ZNF213: variants seen among roughly 807,000 people sequenced by gnomAD.
The protein encoded by ZNF213 is zinc finger protein 213.
Under a neutral mutation model 46.0 loss-of-function variants are expected in ZNF213, and 32 were observed. The ratio of observed to expected loss-of-function variants is 0.70; its 90% CI spans 0.52 to 0.93. The LOEUF (loss-of-function observed/expected upper bound fraction) is 0.93. Among genes scored for constraint, ZNF213 ranks in the 40% least tolerant of loss-of-function variants. The pLI is 0.00. For missense variants in ZNF213, 639 were observed against 652.8 expected (o/e 0.98, Z 0.23); for synonymous variants, 297 against 271.0 (o/e 1.10, Z -0.94).
intron 1 of ZNF213, among the ~76,000 whole-genome samples, chr16:3,136,276 GC>G (rs1957536102): frequency 6.6e-6 from 1 of 152,154 alleles, no homozygotes; most frequent in African/African-American, 2.4e-5. Flanking sequence ...GTGTCTGTAA[GC>G]CCTTCTGTGA....
rs2141541730 is a variant in ZNF213, at chr16:3,141,520, G to A, written c.*173G>A. Reference sequence around the variant, plus strand: ...GCTTGGCTCTGAGGACCTGCCCAGCGCTCAAAGGGAACGGAAGCCTTCCCC... The same window carrying A: ...GCTTGGCTCTGAGGACCTGCCCAGCACTCAAAGGGAACGGAAGCCTTCCCC... On this transcript the variant is annotated 3_prime_UTR_variant, in exon 6 of 6. Transcript: ENST00000396878. The A allele has an allele frequency of 4.3e-6, 3 of 704,528 alleles. No individual in the cohort carries two copies. Among genetic ancestry groups the A allele is most frequent in the South Asian group, 2.2e-5 (1 of 46,242 alleles). 43.6% of individuals were successfully genotyped at this position (704,528 alleles called of 1,614,324 possible).
Position 3,137,432 on chromosome 16 carries a change from T to G in ZNF213, c.152T>G (p.Phe51Cys), listed in dbSNP as rs1159240062. The change falls in exon 2 of 6, where the codon TTC becomes TGC. Residue 51 changes from phenylalanine (F) to cysteine (C), a missense_variant. Phe to Cys is a radical substitution (Grantham distance 205). Coordinates refer to ENST00000396878, the MANE Select transcript of ZNF213 (RefSeq NM_004220.3). ...SEACRQRFRQ[F>C]CYGDVHGPHE... ...GCCTGCCGCCAGCGCTTCCGGCAAT[T>G]CTGCTACGGGGATGTGCATGGGCCT... The G allele has an allele frequency of 2.5e-6, 4 of 1,613,990 alleles. No homozygotes were observed. In the Admixed American group the frequency reaches 6.7e-5, roughly 27 times the overall value.
In ZNF213 at chr16:3,137,462, A is replaced by G. The variant is rs781076086; in HGVS notation, c.182A>G (p.Glu61Gly). The change falls in exon 2 of 6, where the codon GAG (glutamate) becomes GGG (glycine). Residue 61 changes from glutamate (E) to glycine (G), a missense_variant. Transcript: ENST00000396878. Reference protein sequence around the residue: ...FCYGDVHGPHEAFSQLWELCC... With the variant: ...FCYGDVHGPHGAFSQLWELCC... ...TACGGGGATGTGCATGGGCCTCATG[A>G]GGCCTTCAGCCAGCTCTGGGAGCTC... 1.2e-6 allele frequency: 2 copies of G among 1,613,948 alleles called. No homozygotes were observed. The highest frequency in any genetic ancestry group is 1.7e-6 in the Non-Finnish European group (2 of 1,180,036).
Position 3,138,769 on chromosome 16 carries a change from A to C in ZNF213, c.548A>C (p.Glu183Ala), listed in dbSNP as rs1172273373. ...HSAQPPALLK[E>A]GRPGETTDTC... ...GCCCAGCCTCCTGCTCTTCTTAAAG[A>C]GGGTCGTCCCGGAGAGACGACGGAC... Residue 183 changes from glutamate to alanine, a missense_variant, in exon 4 of 6, where the codon GAG becomes GCG. Coordinates refer to ENST00000396878, the MANE Select transcript of ZNF213 (RefSeq NM_004220.3). 6.2e-7 allele frequency: 1 copy of C among 1,613,838 alleles called. No individual in the cohort carries two copies. The highest frequency in any genetic ancestry group is 2.2e-5 in the East Asian group (1 of 44,882).
At chr16:3,140,419 C>A (rs1957590285) in intron 5 of ZNF213, 1 of 337,544 alleles carries the variant, frequency 3.0e-6, no homozygotes, top group Non-Finnish European at 5.2e-6. Context: ...GACGGGGTTT[C>A]ACCATGTTGG....
intron 2 of ZNF213, 120 bp downstream of exon 2, chr16:3,137,799 G>C: frequency 2.4e-6 from 3 of 1,275,020 alleles, no homozygotes; most frequent in Non-Finnish European, 2.1e-6. Context: ...AGAGCCCCCA[G>C]GAGCAGGCAC....
Position 3,137,260 on chromosome 16 carries a change from C to A in ZNF213, c.-21C>A, listed in dbSNP as rs756948506. On this transcript the variant is annotated 5_prime_UTR_variant, in exon 2 of 6. Coordinates refer to ENST00000396878, the MANE Select transcript of ZNF213 (RefSeq NM_004220.3). ...GGGGCCCAGGTTGAAGCCGACCAACCCTGAGCCTCAGGCCAGGGGAATGGC... is the reference window on the plus strand; with the variant it reads ...GGGGCCCAGGTTGAAGCCGACCAACACTGAGCCTCAGGCCAGGGGAATGGC... The A allele has an allele frequency of 6.4e-7, 1 of 1,565,948 alleles. No individual in the cohort carries two copies. Among genetic ancestry groups the A allele is most frequent in the Non-Finnish European group, 8.7e-7 (1 of 1,155,842 alleles).
chr16:3,138,005 G>A, intron 2 of ZNF213: 1 of 475,176 alleles, frequency 2.1e-6, no homozygotes, highest in Non-Finnish European at 3.8e-6. Flanking sequence ...ACAAGGGTGT[G>A]CATAGAGCCA....
At chr16:3,139,270 A>G (rs978627765) in intron 5 of ZNF213, 172 bp downstream of exon 5, 3 of 1,027,334 alleles carry the variant, frequency 2.9e-6, no homozygotes, top group South Asian at 3.3e-5. Flanking sequence ...GCGTTTCCAC[A>G]TGCAGCATGG....
At position 3,137,074 on chromosome 16, in the gene ZNF213, A is replaced by G. The variant is rs186733957; in HGVS notation, c.-115-92A>G. The G allele has an allele frequency of 1.5e-4, 88 of 597,724 alleles. No individual in the cohort carries two copies. The African/African-American group carries it at 1.5e-3, about 10-fold the overall frequency. The allele number at this position is 597,724 out of a possible 1,614,324, so 37.0% of individuals were successfully genotyped here. ...CCTAGAAAAGGCTTCAGGGCCATGA[A>G]AGGATGGGGACTGGATGGCTCTTCA... On this transcript the variant is annotated intron_variant, in intron 1 of 5. Transcript: ENST00000396878.
chr16:3,139,042 C>T lies in ZNF213; in HGVS notation c.665C>T (p.Ala222Val), dbSNP rs770498022. The change falls in exon 5 of 6, where the codon GCT becomes GTT. Residue 222 changes from alanine to valine, a missense_variant. By Grantham distance (64) the Ala-to-Val change is moderately conservative (BLOSUM62 0). Coordinates refer to ENST00000396878, the MANE Select transcript of ZNF213 (RefSeq NM_004220.3). Reference sequence around the variant, plus strand: ...GAAGAATGGGGCACCCTGGACCCTGCTCAGCGGGATCTCTTCTGGGACATA... The same window carrying T: ...GAAGAATGGGGCACCCTGGACCCTGTTCAGCGGGATCTCTTCTGGGACATA... ...SREEWGTLDP[A>V]QRDLFWDIKR... 8.1e-6 allele frequency: 13 copies of T among 1,614,136 alleles called. No homozygotes were observed. In the South Asian group the frequency reaches 1.3e-4, roughly 16 times the overall value.
In ZNF213 at chr16:3,137,659, C is replaced by G. The variant is rs1437624216; in HGVS notation, c.379C>G (p.Pro127Ala). 14 of 1,613,580 alleles carry G rather than the reference C, an allele frequency of 8.7e-6. No individual in the cohort carries two copies. The highest frequency in any genetic ancestry group is 1.2e-5 in the Non-Finnish European group (14 of 1,179,966). Residue 127 changes from proline (P) to alanine (A), a missense_variant, in exon 2 of 6, where the codon CCA becomes GCA. Physicochemically the swap from Pro to Ala is conservative, Grantham distance 27 (BLOSUM62 -1). Transcript: ENST00000396878. ...CTTGGTGGAGGACCTACAGAAGCAGCCAGTGAAAGCCTGGCGACAGGTGAG... is the reference window on the plus strand; with the variant it reads ...CTTGGTGGAGGACCTACAGAAGCAGGCAGTGAAAGCCTGGCGACAGGTGAG... ...VALVEDLQKQ[P>A]VKAWRQDVPS...
rs531096014 is a variant in ZNF213, at chr16:3,141,425, C to A, written c.*78C>A. ...TTTGTTCACCACTGGGACTCTCCTT[C>A]CATCTGTGGCCACCTCCCGGGCTGT... is the stretch of plus-strand genomic sequence containing the variant. On this transcript the variant is annotated 3_prime_UTR_variant, in exon 6 of 6. Coordinates refer to ENST00000396878, the MANE Select transcript of ZNF213 (RefSeq NM_004220.3). 1.4e-6 allele frequency: 2 copies of A among 1,441,618 alleles called. No individual in the cohort carries two copies. Among genetic ancestry groups the A allele is most frequent in the African/African-American group, 1.4e-5 (1 of 70,156 alleles). 89.3% of individuals were successfully genotyped at this position (1,441,618 alleles called of 1,614,324 possible). A position where few individuals can be genotyped will look rare whatever the true frequency, so the allele number is the denominator to read the frequency against.
At position 3,138,450 on chromosome 16, in the gene ZNF213, T is replaced by G; in HGVS notation, c.432T>G (p.Ala144=). 6.2e-7 allele frequency: 1 copy of G among 1,613,286 alleles called. No individual in the cohort carries two copies. The part of the protein sequence containing the change: ...DVPSEEAEPE[A]AGRGSQATGP... Reference sequence around the variant, plus strand: ...CCTCGGAGGAGGCGGAACCCGAGGCTGCAGGCCGGGGATCCCAGGCCACGG... The same window carrying G: ...CCTCGGAGGAGGCGGAACCCGAGGCGGCAGGCCGGGGATCCCAGGCCACGG... The change falls in exon 3 of 6, where the codon GCT becomes GCG. Residue 144 remains alanine (A), a synonymous_variant. Transcript: ENST00000396878.
Position 3,137,780 on chromosome 16 carries a change from G to C in ZNF213, c.399+101G>C, listed in dbSNP as rs111558792. 1.5e-5 allele frequency: 22 copies of C among 1,431,332 alleles called. No individual in the cohort carries two copies. In the African/African-American group the frequency reaches 2.6e-4, roughly 17 times the overall value. The allele number at this position is 1,431,332 out of a possible 1,614,324, so 88.7% of individuals were successfully genotyped here. On this transcript the variant is annotated intron_variant, in intron 2 of 5. Transcript: ENST00000396878. ...AGTCTCCCAGAGGCTCACAGGGTAG[G>C]GGAGACACAGAGCCCCCAGGAGCAG...
chr16:3,139,197 G>C (rs919326824), intron 5 of ZNF213, 99 bp downstream of exon 5: 5 of 1,529,620 alleles, frequency 3.3e-6, no homozygotes, highest in African/African-American at 1.4e-5. Context: ...TCCAAAGCAG[G>C]CTCTCCCTAG....
In ZNF213 at chr16:3,137,473, C is replaced by G; in HGVS notation, c.193C>G (p.Gln65Glu). The G allele has an allele frequency of 7.4e-6, 12 of 1,613,948 alleles. No individual in the cohort carries two copies. Among genetic ancestry groups the G allele is most frequent in the Non-Finnish European group, 1.0e-5 (12 of 1,180,040 alleles). ...GCATGGGCCTCATGAGGCCTTCAGC[C>G]AGCTCTGGGAGCTCTGCTGCCGCTG... ...DVHGPHEAFSQLWELCCRWLR... is the reference protein window; with the variant it reads ...DVHGPHEAFSELWELCCRWLR... The change falls in exon 2 of 6, where the codon CAG becomes GAG. Residue 65 changes from glutamine (Q) to glutamate (E), a missense_variant. Physicochemically the swap from Gln to Glu is conservative, Grantham distance 29. Coordinates refer to ENST00000396878, the MANE Select transcript of ZNF213 (RefSeq NM_004220.3).
In ZNF213 at chr16:3,135,394, C is replaced by T. The variant is rs1433658509; in HGVS notation, c.-116+7C>T. ...GTCCTGCTGAGCGACCCTGGTGAGT[C>T]CTGGCCCTCTTCGAGGAAAGTCTTC... On this transcript the variant is annotated splice_region_variant and intron_variant, in intron 1 of 5. Coordinates refer to ENST00000396878, the MANE Select transcript of ZNF213 (RefSeq NM_004220.3). 1 of 152,228 alleles carries T rather than the reference C, an allele frequency of 6.6e-6. No individual in the cohort carries two copies. The highest frequency in any genetic ancestry group is 1.5e-5 in the Non-Finnish European group (1 of 68,058). 9.4% of individuals were successfully genotyped at this position (152,228 alleles called of 1,614,324 possible).
At position 3,137,263 on chromosome 16, in the gene ZNF213, G is replaced by A; in HGVS notation, c.-18G>A. ...GCCCAGGTTGAAGCCGACCAACCCT[G>A]AGCCTCAGGCCAGGGGAATGGCAGC... On this transcript the variant is annotated 5_prime_UTR_variant, in exon 2 of 6. Coordinates refer to ENST00000396878, the MANE Select transcript of ZNF213 (RefSeq NM_004220.3). 6.4e-7 allele frequency: 1 copy of A among 1,567,688 alleles called. No homozygotes were observed. Among genetic ancestry groups the A allele is most frequent in the East Asian group, 2.2e-5 (1 of 44,458 alleles).
Sources: allele counts gnomAD v4.1 joint callset (sites outside exome capture counted in the v4.1 genomes callset), GRCh38; gene constraint gnomAD v4.1.1; transcripts MANE v1.5; gene names NCBI Gene and HGNC (gene_info 2026-07-23, HGNC 2026-07-21).